ALS2: variants seen among roughly 807,000 people sequenced by gnomAD.
ALS2 encodes the protein alsin Rho guanine nucleotide exchange factor ALS2.
ALS2 carries 117 observed loss-of-function variants against 203.4 expected under a neutral mutation model. That is an observed-to-expected ratio of 0.58 (90% CI 0.50 to 0.67). The LOEUF is 0.67. ALS2 is among the 30% of genes least tolerant of loss of function. ALS2 has a pLI of 0.00. For missense variants in ALS2, 1,715 were observed against 1,989.4 expected (o/e 0.86, Z 2.62); for synonymous variants, 718 against 725.9 (o/e 0.99, Z 0.17).
chr2:201,746,480 A>G (rs754838314), intron 9 of ALS2, 86 bp downstream of exon 9: 13 of 1,474,008 alleles, frequency 8.8e-6, no homozygotes, highest in Non-Finnish European at 1.2e-5. Context: ...CTTACTAATA[A>G]TTAGCCATAC....
At chr2:201,715,441 A>G (rs947913411) in intron 25 of ALS2, among the ~76,000 whole-genome samples, 1 of 152,200 alleles carries the variant, frequency 6.6e-6, no homozygotes, top group Non-Finnish European at 1.5e-5. Flanking sequence ...TCCTCAATCT[A>G]CTTGTTGATA....
intron 7 of ALS2, among the ~76,000 whole-genome samples, chr2:201,751,497 G>A (rs1693054281): frequency 1.3e-5 from 2 of 152,036 alleles, no homozygotes; most frequent in African/African-American, 4.8e-5. Flanking sequence ...CTTTTATGAC[G>A]AAAATATAAA....
At chr2:201,717,383 T>C (rs2105985617) in intron 24 of ALS2, among the ~76,000 whole-genome samples, 2 of 151,696 alleles carry the variant, frequency 1.3e-5, no homozygotes, top group Middle Eastern at 6.8e-3. Flanking sequence ...GGAGAATCGC[T>C]TGAACCCGGG....
At position 201,761,303 on chromosome 2, in the gene ALS2, G is replaced by C; in HGVS notation, c.691C>G (p.Arg231Gly). ...PSQDLKPVPE[R>G]CNQCSQLLIT... is the part of the protein sequence containing the mutation. Reference sequence around the variant, plus strand: ...AAGAGCTGGCTGCACTGGTTGCATCGTTCTGGGACTGGCTTCAGATCCTGG... The same window carrying C: ...AAGAGCTGGCTGCACTGGTTGCATCCTTCTGGGACTGGCTTCAGATCCTGG... The change falls in exon 4 of 34, where the codon CGA becomes GGA. Residue 231 changes from arginine to glycine, a missense_variant. This residue lies in a region of ALS2 where 476 missense variants were observed against 539.3 expected (regional missense o/e 0.88). Coordinates refer to ENST00000264276, the MANE Select transcript of ALS2 (RefSeq NM_020919.4). 1 of 1,614,000 alleles carries C rather than the reference G, an allele frequency of 6.2e-7. No homozygotes were observed. Among genetic ancestry groups the C allele is most frequent in the East Asian group, 2.2e-5 (1 of 44,884 alleles).
Position 201,715,753 on chromosome 2 carries a change from C to T in ALS2, c.3923G>A (p.Gly1308Asp). 6.2e-7 allele frequency: 1 copy of T among 1,614,200 alleles called. No individual in the cohort carries two copies. Among genetic ancestry groups the T allele is most frequent in the Non-Finnish European group, 8.5e-7 (1 of 1,180,034 alleles). Residue 1308 changes from glycine (G) to aspartate (D), a missense_variant, in exon 25 of 34, where the codon GGC becomes GAC. Transcript: ENST00000264276. ...TTTCCAAACTTCCCCTTGGCCTGGG[C>T]CCTCACAGCCCAGTTGGCGCCAACA... ...DECWRQLGCE[G>D]PGQGEVWKAW...
At chr2:201,771,349 G>A (rs557311349) in intron 1 of ALS2, among the ~76,000 whole-genome samples, 12 of 152,088 alleles carry the variant, frequency 7.9e-5, no homozygotes, top group South Asian at 6.2e-4. Context: ...GAGCCACCGC[G>A]CCCGGCCCCT....
chr2:201,760,876 G>A lies in ALS2; in HGVS notation c.1113+5C>T. On this transcript the variant is annotated splice_donor_5th_base_variant and intron_variant, in intron 4 of 33. Coordinates refer to ENST00000264276, the MANE Select transcript of ALS2 (RefSeq NM_020919.4). ...CACTTTTATTTTATAAAATTGAGCA[G>A]GTACCTGAGATGGCACTGGCTTTTC... The A allele has an allele frequency of 1.9e-6, 3 of 1,610,736 alleles. No homozygotes were observed. The highest frequency in any genetic ancestry group is 4.5e-5 in the East Asian group (2 of 44,818).
chr2:201,744,929 A>G (rs997064663), intron 9 of ALS2, among the ~76,000 whole-genome samples: 2 of 152,212 alleles, frequency 1.3e-5, no homozygotes, highest in Admixed American at 6.5e-5. Flanking sequence ...CTTTTGTACA[A>G]TGAAAAGAGA....
At chr2:201,705,613 A>T (rs1441591110) in intron 29 of ALS2, 152 bp from the exon 30 acceptor site, 11 of 658,520 alleles carry the variant, frequency 1.7e-5, no homozygotes, top group Non-Finnish European at 3.0e-5. Flanking sequence ...TCCAGAAGTG[A>T]TTTAAGAGTT....
rs1693733105 is a variant in ALS2, at chr2:201,761,033, G to C, written c.961C>G (p.Gln321Glu). Reference sequence around the variant, plus strand: ...TCAGTTGTTCCCATGACATTTTGTTGAGAGGACATGGCATCGCTGCTTGTG... The same window carrying C: ...TCAGTTGTTCCCATGACATTTTGTTCAGAGGACATGGCATCGCTGCTTGTG... ...QITSSDAMSS[Q>E]QNVMGTTEIS... The change falls in exon 4 of 34, where the codon CAA becomes GAA. Residue 321 changes from glutamine (Q) to glutamate (E), a missense_variant. By Grantham distance (29) the Gln-to-Glu change is conservative (BLOSUM62 2). Transcript: ENST00000264276. The C allele has an allele frequency of 1.2e-6, 2 of 1,614,150 alleles. No individual in the cohort carries two copies. The highest frequency in any genetic ancestry group is 4.5e-5 in the East Asian group (2 of 44,890).
rs367869188 is a variant in ALS2 at position 201,744,272 on chromosome 2, G to T, written c.2156C>A (p.Pro719His). ...TTGCAACTTACCTAAACTGAGAAGAGGCCTGAGAATCTGAGATTTGATATC... is the reference window on the plus strand; with the variant it reads ...TTGCAACTTACCTAAACTGAGAAGATGCCTGAGAATCTGAGATTTGATATC... ...LSDIKSQILRPLLSLENLGTT... is the reference protein window; with the variant it reads ...LSDIKSQILRHLLSLENLGTT... The change falls in exon 10 of 34, where the codon CCT becomes CAT. Residue 719 changes from proline to histidine, a missense_variant. By Grantham distance (77) the Pro-to-His change is moderately conservative. Transcript: ENST00000264276. 6.2e-7 allele frequency: 1 copy of T among 1,613,988 alleles called. No individual in the cohort carries two copies. Among genetic ancestry groups the T allele is most frequent in the Non-Finnish European group, 8.5e-7 (1 of 1,180,002 alleles).
chr2:201,760,476 G>C, intron 4 of ALS2: 1 of 999,192 alleles, frequency 1.0e-6, no homozygotes. Flanking sequence ...TGTTAAAGAA[G>C]GAAAAGACTT....
Position 201,707,928 on chromosome 2 carries a change from G to A in ALS2, c.4344C>T (p.Thr1448=), listed in dbSNP as rs748999549. The part of the protein sequence containing the change: ...STIPLSAPLP[T]ERKSFCTGKS... ...TCCCAGTGCAAAAAGACTTCCTTTC[G>A]GTTGGCAGAGGAGCAGAGAGAGGAA... Residue 1448 remains threonine (T), a synonymous_variant, in exon 28 of 34, where the codon ACC becomes ACT. Coordinates refer to ENST00000264276, the MANE Select transcript of ALS2 (RefSeq NM_020919.4). 8.1e-6 allele frequency: 13 copies of A among 1,613,484 alleles called. No individual in the cohort carries two copies. The highest frequency in any genetic ancestry group is 6.7e-5 in the East Asian group (3 of 44,860).
chr2:201,749,605 G>C lies in ALS2; in HGVS notation c.1815+107C>G, dbSNP rs561175169. Reference sequence around the variant, plus strand: ...CTTATGAAAACCAAAACAAATTTAGGTTGTACGTATGAAATTCCCCCGATA... The same window carrying C: ...CTTATGAAAACCAAAACAAATTTAGCTTGTACGTATGAAATTCCCCCGATA... On this transcript the variant is annotated intron_variant, in intron 8 of 33. Coordinates refer to ENST00000264276, the MANE Select transcript of ALS2 (RefSeq NM_020919.4). The C allele has an allele frequency of 9.2e-6, 10 of 1,092,434 alleles. No individual in the cohort carries two copies. In the African/African-American group the frequency reaches 1.6e-4, roughly 17 times the overall value. 67.7% of individuals were successfully genotyped at this position (1,092,434 alleles called of 1,614,324 possible).
At chr2:201,762,746 G>A (rs1341227356) in intron 3 of ALS2, 2 of 152,402 alleles carry the variant, frequency 1.3e-5, no homozygotes, top group East Asian at 3.8e-4. Flanking sequence ...AATGGCAGAT[G>A]AAGCTAGGGC....
chr2:201,711,115 A>G lies in ALS2; in HGVS notation c.4005-7T>C. 2.0e-6 allele frequency: 3 copies of G among 1,512,566 alleles called. No individual in the cohort carries two copies. The highest frequency in any genetic ancestry group is 2.8e-6 in the Non-Finnish European group (3 of 1,088,510). 93.7% of individuals were successfully genotyped at this position (1,512,566 alleles called of 1,614,324 possible). A position where few individuals can be genotyped will look rare whatever the true frequency, so the allele number is the denominator to read the frequency against. On this transcript the variant is annotated splice_polypyrimidine_tract_variant and splice_region_variant and intron_variant, in intron 25 of 33. Coordinates refer to ENST00000264276, the MANE Select transcript of ALS2 (RefSeq NM_020919.4). ...ACGACTCAGTATTTCTGGACTATAA[A>G]AAGGGAAAGAAAAGTCTGTTGTATT...
chr2:201,757,799 TCC>T, intron 4 of ALS2, 40 bp from the exon 5 acceptor site: 2 of 1,446,120 alleles, frequency 1.4e-6, no homozygotes, highest in Non-Finnish European at 9.5e-7. Context: ...AAAAATATAA[TCC>T]CTTATGCAAC....
At chr2:201,725,479 A>G in intron 19 of ALS2, 25 bp from the exon 20 acceptor site, 1 of 1,559,434 alleles carries the variant, frequency 6.4e-7, no homozygotes, top group Non-Finnish European at 8.8e-7. Flanking sequence ...AAAAAATAAC[A>G]AAAGAAGATG....
At chr2:201,764,812 T>C (rs1368458744) in intron 3 of ALS2, among the ~76,000 whole-genome samples, 1 of 152,122 alleles carries the variant, frequency 6.6e-6, no homozygotes, top group African/African-American at 2.4e-5. Flanking sequence ...TGGAGGTCCG[T>C]ATGCAATTTC....
Sources: gnomAD v4.1 joint callset for allele counts (sites outside exome capture counted in the v4.1 genomes callset) on GRCh38, gnomAD v4.1.1 for gene constraint, gnomAD v4.1.1 regional missense constraint, MANE v1.5 for transcripts, NCBI Gene and HGNC (gene_info 2026-07-23, HGNC 2026-07-21) for gene names.